The following ABI1 variants were observed in gnomAD, a reference collection of about 807,000 sequenced individuals.
ABI1 encodes the protein abl interactor 1, also known as Abelson interactor 1.
A neutral mutation model predicts 54.6 loss-of-function variants in ABI1; 14 were observed. That is an observed-to-expected ratio of 0.26 (90% confidence interval 0.17 to 0.40). ABI1 has a LOEUF of 0.40. Ranked by LOEUF, ABI1 falls within the 10% of genes least tolerant of loss-of-function variation. The pLI is 1.00. For synonymous variants in ABI1, 194 were observed against 209.3 expected, an observed-to-expected ratio of 0.93 and a Z score of 0.63; for missense variants, 443 against 598.3, an observed-to-expected ratio of 0.74 and a Z score of 2.71.
At chr10:26,792,742 T>C (rs1438424977) in intron 2 of ABI1, among the ~76,000 whole-genome samples, 1 of 152,190 alleles carries the variant, frequency 6.6e-6, no homozygotes, top group Non-Finnish European at 1.5e-5. Flanking sequence ...GAAAACATTT[T>C]CTAAAATGTA....
intron 8 of ABI1, among the ~76,000 whole-genome samples, chr10:26,758,094 A>AC (rs200839307): frequency 7.5e-5 from 10 of 133,740 alleles, no homozygotes; most frequent in Non-Finnish European, 9.5e-5. Flanking sequence ...AAAAAAAAAA[A>AC]CTTTCCCCTA....
intron 1 of ABI1, among the ~76,000 whole-genome samples, chr10:26,859,949 T>G (rs1410994382): frequency 2.0e-5 from 3 of 152,022 alleles, no homozygotes; most frequent in East Asian, 1.9e-4. Flanking sequence ...TAACAACCTC[T>G]TAGAATACAT....
chr10:26,838,575 T>G (rs10829090), intron 1 of ABI1, among the ~76,000 whole-genome samples: 38,876 of 152,010 alleles, frequency 0.26, 5,635 homozygotes, highest in South Asian at 0.44. Flanking sequence ...TCATTGTAAG[T>G]CTAGTGGGGA....
At chr10:26,761,135 T>A (rs1022463346) in intron 7 of ABI1, among the ~76,000 whole-genome samples, 6 of 151,362 alleles carry the variant, frequency 4.0e-5, no homozygotes, top group African/African-American at 1.5e-4. Context: ...AGAGACAGAG[T>A]CTCACTATGT....
At chr10:26,846,141 C>CA (rs76596179) in intron 1 of ABI1, among the ~76,000 whole-genome samples, 11,021 of 122,440 alleles carry the variant, frequency 0.09, 455 homozygotes, top group Middle Eastern at 0.15. Flanking sequence ...GACTCCGTCT[C>CA]AAAAAAAAAA....
rs12766451 is a variant in ABI1, at chr10:26,751,768, G to T, written c.1100C>A (p.Thr367Asn). 1.9e-6 allele frequency: 3 copies of T among 1,610,220 alleles called. No homozygotes were observed. Among genetic ancestry groups the T allele is most frequent in the South Asian group, 1.1e-5 (1 of 90,474 alleles). ...RVQENIADSP[T>N]PPPPPPPDDI... ...ATCTGGTGGAGGTGGTGGCGGTGGA[G>T]TTGGACTATCAGCAACTAAAAAGAT... The change falls in exon 10 of 11, where the codon ACT (threonine) becomes AAT (asparagine). Residue 367 changes from threonine to asparagine, a missense_variant. Thr to Asn is a moderately conservative substitution (Grantham distance 65). Around this residue, in one of 2 missense-constraint regions of ABI1, gnomAD observed 394 missense variants for 484.8 expected, o/e 0.81. Coordinates refer to ENST00000376140, the MANE Select transcript of ABI1 (RefSeq NM_001012750.3).
At chr10:26,853,202 T>C (rs1589089206) in intron 1 of ABI1, among the ~76,000 whole-genome samples, 1 of 121,836 alleles carries the variant, frequency 8.2e-6, no homozygotes, top group Non-Finnish European at 1.6e-5. Context: ...ACCACTGCAC[T>C]CCGGCCTGGG....
chr10:26,765,293 G>A lies in ABI1; in HGVS notation c.745C>T (p.Arg249Ter), dbSNP rs34106991. Residue 249 changes from arginine to a stop codon, truncating the protein, a stop_gained, in exon 7 of 11, where the codon CGA (arginine) becomes TGA (stop). Transcript: ENST00000376140. LOFTEE classifies it high-confidence loss of function. ...ATACTACTGCTACCACTGTTTTCTC[G>A]ACTTCCACTTCCTCCACTACTTCCA... ...HSGSSGGSGS[R>*]ENSGSSSIGI... The A allele has an allele frequency of 1.3e-6, 2 of 1,587,806 alleles. No individual in the cohort carries two copies. Among genetic ancestry groups the A allele is most frequent in the Admixed American group, 1.9e-5 (1 of 52,616 alleles).
chr10:26,830,299 A>G (rs1462167814), intron 1 of ABI1, among the ~76,000 whole-genome samples: 8 of 152,122 alleles, frequency 5.3e-5, no homozygotes, highest in Admixed American at 3.3e-4. Context: ...GCTGAGTCAC[A>G]TGGTAAGTTA....
chr10:26,838,712 G>C (rs933078642), intron 1 of ABI1, among the ~76,000 whole-genome samples: 1 of 152,178 alleles, frequency 6.6e-6, no homozygotes, highest in Non-Finnish European at 1.5e-5. Flanking sequence ...CAAGGATTCT[G>C]TTGCAATATG....
intron 9 of ABI1, 75 bp from the exon 10 acceptor site, chr10:26,751,858 A>G (rs998847568): frequency 2.9e-6 from 4 of 1,366,528 alleles, no homozygotes; most frequent in African/African-American, 2.9e-5. Flanking sequence ...AGAATTTAAG[A>G]AAGCTCTAAC....
chr10:26,795,804 A>C (rs1444286106), intron 2 of ABI1, among the ~76,000 whole-genome samples: 2 of 152,186 alleles, frequency 1.3e-5, no homozygotes, highest in African/African-American at 4.8e-5. Flanking sequence ...AATATTGTTA[A>C]AACAGCCATA....
chr10:26,814,026 C>T (rs2047402961), intron 2 of ABI1, among the ~76,000 whole-genome samples: 2 of 152,100 alleles, frequency 1.3e-5, no homozygotes, highest in Admixed American at 6.5e-5. Context: ...TTCTAGGTAC[C>T]CGCCCTACCT....
intron 2 of ABI1, among the ~76,000 whole-genome samples, chr10:26,821,812 A>C (rs552469313): frequency 1.8e-4 from 28 of 152,206 alleles, no homozygotes; most frequent in African/African-American, 6.5e-4. Context: ...AAAAAAAAAA[A>C]AACAAAGCAG....
intron 7 of ABI1, among the ~76,000 whole-genome samples, chr10:26,764,907 G>A (rs1279305751): frequency 6.6e-6 from 1 of 152,098 alleles, no homozygotes; most frequent in Non-Finnish European, 1.5e-5. Flanking sequence ...GGTATCCGCA[G>A]GGGACCTTGG....
chr10:26,807,819 T>C lies in ABI1; in HGVS notation c.285+15319A>G, dbSNP rs562106452. On this transcript the variant is annotated intron_variant, in intron 2 of 10. Coordinates refer to ENST00000376140, the MANE Select transcript of ABI1 (RefSeq NM_001012750.3). The stretch of plus-strand genomic sequence containing the variant: ...CAAAAATAGCAAACCCAGCCGGGCA[T>C]GGTGGCTCACGTTTGTAATCCCAGC... Among the ~76,000 whole-genome samples the C allele has an allele frequency of 3.9e-5, 6 of 152,202 alleles. No individual in the cohort carries two copies. The South Asian group carries it at 1.2e-3, about 32-fold the overall frequency.
chr10:26,827,596 G>GC (rs767882985), intron 1 of ABI1, among the ~76,000 whole-genome samples: 6 of 138,070 alleles, frequency 4.3e-5, no homozygotes, highest in Non-Finnish European at 6.1e-5. Context: ...TCTGTTTTTT[G>GC]TTTTTTTTTT....
chr10:26,832,604 A>C lies in ABI1; in HGVS notation c.118-9299T>G, dbSNP rs1399506463. 9.9e-5 allele frequency among the ~76,000 whole-genome samples: 15 copies of C among 152,044 alleles called. No homozygotes were observed. The South Asian group carries it at 3.1e-3, about 31-fold the overall frequency. On this transcript the variant is annotated intron_variant, in intron 1 of 10. Coordinates refer to ENST00000376140, the MANE Select transcript of ABI1 (RefSeq NM_001012750.3). ...ATCTCAAAAAATAAAATAAAATAAA[A>C]TAAATAAATAAATAATGTATGTTAA...
chr10:26,801,907 C>G (rs2046589186), intron 2 of ABI1, among the ~76,000 whole-genome samples: 1 of 152,082 alleles, frequency 6.6e-6, no homozygotes, highest in Non-Finnish European at 1.5e-5. Context: ...AACAATCAGA[C>G]AAATAGCTAT....
Sources: gnomAD v4.1 joint callset for allele counts (sites outside exome capture counted in the v4.1 genomes callset) on GRCh38, gnomAD v4.1.1 for gene constraint, gnomAD v4.1.1 regional missense constraint, MANE v1.5 for transcripts, NCBI Gene and HGNC (gene_info 2026-07-23, HGNC 2026-07-21) for gene names.